LINGO2: variants seen among roughly 807,000 people sequenced by gnomAD.
LINGO2 encodes leucine rich repeat and Ig domain containing 2.
A neutral mutation model predicts 30.6 loss-of-function variants in LINGO2; 14 were observed. The observed-to-expected ratio is 0.46, with a 90% CI of 0.30 to 0.72. The LOEUF (loss-of-function observed/expected upper bound fraction) is 0.72. LINGO2 is among the 30% of genes least tolerant of loss of function. The pLI is 0.07. For missense variants in LINGO2, 729 were observed against 751.7 expected, an observed-to-expected ratio of 0.97 and a Z score of 0.35; for synonymous variants, 317 against 288.5, an observed-to-expected ratio of 1.10 and a Z score of -1.00.
chr9:28,937,176 C>T, the LINGO2 span, among the ~76,000 whole-genome samples: 1 of 152,128 alleles, frequency 6.6e-6, no homozygotes, highest in Non-Finnish European at 1.5e-5. Context: ...TGTTCTCTGG[C>T]ATGCAAAATG....
chr9:28,105,931 T>A (rs1455401427), intron 4 of LINGO2, among the ~76,000 whole-genome samples: 1 of 152,062 alleles, frequency 6.6e-6, no homozygotes, highest in Non-Finnish European at 1.5e-5. Flanking sequence ...AGTACCCAAG[T>A]CATAGCCTGG....
intron 2 of LINGO2, among the ~76,000 whole-genome samples, chr9:28,430,841 C>T (rs1222831638): frequency 6.6e-6 from 1 of 152,038 alleles, no homozygotes; most frequent in Non-Finnish European, 1.5e-5. Context: ...AAGGTGTTGA[C>T]TGGGGTTGCA....
intron 1 of LINGO2, among the ~76,000 whole-genome samples, chr9:28,629,681 T>C (rs1374300726): frequency 6.6e-6 from 1 of 152,090 alleles, no homozygotes; most frequent in Non-Finnish European, 1.5e-5. Context: ...ATAGACTGCA[T>C]TTTCAGAATG....
At chr9:28,344,570 GT>G (rs1387077706) in intron 3 of LINGO2, among the ~76,000 whole-genome samples, 3 of 152,088 alleles carry the variant, frequency 2.0e-5, no homozygotes, top group African/African-American at 7.2e-5. Flanking sequence ...TTCCTGAATT[GT>G]GGGATTAGAT....
At chr9:27,969,995 T>C (rs1384921369) in intron 5 of LINGO2, among the ~76,000 whole-genome samples, 4 of 152,190 alleles carry the variant, frequency 2.6e-5, no homozygotes, top group Non-Finnish European at 2.9e-5. Context: ...TACAATTTAC[T>C]AGTTTCAGCT....
At chr9:29,102,287 T>C in the LINGO2 span, among the ~76,000 whole-genome samples, 1 of 152,138 alleles carries the variant, frequency 6.6e-6, no homozygotes, top group South Asian at 2.1e-4. Context: ...TTCACCGTAG[T>C]AGCCAGTATG....
At chr9:28,197,730 A>AT (rs1391705475) in intron 4 of LINGO2, among the ~76,000 whole-genome samples, 1 of 151,980 alleles carries the variant, frequency 6.6e-6, no homozygotes, top group Admixed American at 6.6e-5. Context: ...ATTCAAGAAA[A>AT]TTTGCATAGC....
At chr9:28,479,956 T>TATATATATACAC (rs1491144467) in intron 1 of LINGO2, among the ~76,000 whole-genome samples, 2 of 105,052 alleles carry the variant, frequency 1.9e-5, no homozygotes, top group African/African-American at 7.1e-5. Flanking sequence ...TATATATATA[T>TATATATATACAC]GTACATTTTG....
the LINGO2 span, among the ~76,000 whole-genome samples, chr9:28,921,720 A>T: frequency 1.1e-4 from 16 of 152,148 alleles, no homozygotes; most frequent in African/African-American, 3.9e-4. Flanking sequence ...TCATCCTTCC[A>T]CATCCACTCA....
At chr9:28,680,323 C>G in the LINGO2 span, among the ~76,000 whole-genome samples, 2 of 151,976 alleles carry the variant, frequency 1.3e-5, no homozygotes, top group African/African-American at 4.8e-5. Context: ...GGGTAGTATT[C>G]TGTTGTGTAT....
At chr9:28,399,561 T>A (rs1822179181) in intron 2 of LINGO2, among the ~76,000 whole-genome samples, 1 of 152,032 alleles carries the variant, frequency 6.6e-6, no homozygotes, top group South Asian at 2.1e-4. Context: ...GAAATACAAA[T>A]AAACAGAAAA....
At chr9:28,904,165 T>C in the LINGO2 span, among the ~76,000 whole-genome samples, 9 of 61,388 alleles carry the variant, frequency 1.5e-4, no homozygotes, top group African/African-American at 3.8e-4. Flanking sequence ...AGGATCCTTT[T>C]ATGATAAAAA....
At chr9:29,014,116 C>T in the LINGO2 span, among the ~76,000 whole-genome samples, 2 of 152,044 alleles carry the variant, frequency 1.3e-5, no homozygotes, top group African/African-American at 4.8e-5. Context: ...ACGAGTTATG[C>T]AGCATATATG....
chr9:28,034,487 T>C (rs1195447750), intron 4 of LINGO2, among the ~76,000 whole-genome samples: 2 of 152,184 alleles, frequency 1.3e-5, no homozygotes, highest in East Asian at 3.9e-4. Context: ...AGCCTGGCTT[T>C]TGTGGCCCAG....
At chr9:28,276,756 A>G (rs1243162266) in intron 4 of LINGO2, among the ~76,000 whole-genome samples, 1 of 152,176 alleles carries the variant, frequency 6.6e-6, no homozygotes, top group African/African-American at 2.4e-5. Flanking sequence ...ACTGGGCAAT[A>G]TTCCTGAGCT....
At position 28,246,359 on chromosome 9, in the gene LINGO2, G is replaced by A. The variant is rs543079001; in HGVS notation, c.-87+48849C>T. 1.1e-3 allele frequency among the ~76,000 whole-genome samples: 164 copies of A among 151,964 alleles called. 2 individuals carry two copies. Among genetic ancestry groups the A allele is most frequent in the African/African-American group, 3.5e-3 (144 of 41,438 alleles). On this transcript the variant is annotated intron_variant, in intron 4 of 5. Transcript: ENST00000379992. ...GAATCGCTTGAACCCAGGGGGAGGC[G>A]GAGTTTGCAGTGAGCCGAGATCTTG...
chr9:28,363,899 G>C (rs920354913), intron 3 of LINGO2, among the ~76,000 whole-genome samples: 1 of 151,748 alleles, frequency 6.6e-6, no homozygotes, highest in Non-Finnish European at 1.5e-5. Flanking sequence ...CTCCAAACAG[G>C]AGGTGGTTTT....
rs149965340 is a variant in LINGO2 at position 28,608,117 on chromosome 9, A to G, written c.-365+62083T>C. The stretch of plus-strand genomic sequence containing the variant: ...ACTGCTGAAGTAATACTGTTTTCAC[A>G]GATTACACTTTTTAATTACATTCTG... On this transcript the variant is annotated intron_variant, in intron 1 of 5. Transcript: ENST00000379992. Among the ~76,000 whole-genome samples the G allele has an allele frequency of 1.3e-3, 199 of 151,376 alleles. 3 individuals carry two copies. The East Asian group carries it at 0.031, about 24-fold the overall frequency.
intron 1 of LINGO2, among the ~76,000 whole-genome samples, chr9:28,602,978 T>C (rs2135753228): frequency 6.6e-6 from 1 of 152,204 alleles, no homozygotes; most frequent in East Asian, 1.9e-4. Context: ...AAGCAGTTGT[T>C]CTTATACAAT....
Sources: gnomAD v4.1 joint callset for allele counts (sites outside exome capture counted in the v4.1 genomes callset) on GRCh38, gnomAD v4.1.1 for gene constraint, MANE v1.5 for transcripts, NCBI Gene and HGNC (gene_info 2026-07-23, HGNC 2026-07-21) for gene names.